INPP5A: variants seen among roughly 807,000 people sequenced by gnomAD.
INPP5A encodes the protein inositol polyphosphate-5-phosphatase A, also known as 43 kDa inositol polyphosphate 5-phophatase.
A neutral mutation model predicts 65.2 loss-of-function variants in INPP5A; 14 were observed. The ratio of observed to expected loss-of-function variants is 0.21; its 90% CI spans 0.14 to 0.34. The LOEUF is 0.34. INPP5A is among the 10% of genes least tolerant of loss of function. The pLI, the probability that INPP5A is intolerant of heterozygous loss-of-function variation, is 1.00. For missense variants in INPP5A, 431 were observed against 545.6 expected (o/e 0.79, Z 2.09); for synonymous variants, 207 against 208.3 (o/e 0.99, Z 0.05).
chr10:132,711,710 G>A (rs1038263542), intron 8 of INPP5A, among the ~76,000 whole-genome samples: 16 of 152,324 alleles, frequency 1.1e-4, no homozygotes, highest in Middle Eastern at 3.4e-3. Context: ...TCCCGGGGCC[G>A]GTTCTCTCCC....
At chr10:132,740,986 T>C (rs1846261291) in intron 9 of INPP5A, among the ~76,000 whole-genome samples, 1 of 152,086 alleles carries the variant, frequency 6.6e-6, no homozygotes, top group Non-Finnish European at 1.5e-5. Flanking sequence ...CCCAGCACTG[T>C]GGGAGGCTGA....
At chr10:132,609,606 T>C (rs558763273) in intron 2 of INPP5A, among the ~76,000 whole-genome samples, 1 of 152,340 alleles carries the variant, frequency 6.6e-6, no homozygotes, top group East Asian at 1.9e-4. Context: ...TTTTGGTGTT[T>C]TTCCTTTTTG....
chr10:132,759,392 C>T lies in INPP5A; in HGVS notation c.904-6381C>T, dbSNP rs189011114. Among the ~76,000 whole-genome samples the T allele has an allele frequency of 5.4e-3, 829 of 152,350 alleles. 10 individuals are homozygous for T. Among genetic ancestry groups the T allele is most frequent in the Middle Eastern group, 0.01 (3 of 294 alleles). On this transcript the variant is annotated intron_variant, in intron 11 of 15. Transcript: ENST00000368594. ...ATGCCAGACAGAAGCTGTGGCCACA[C>T]TCCGTGGCTTCTGCCTCAGGAACTT...
In INPP5A at chr10:132,699,698, C is replaced by T. The variant is rs117105199; in HGVS notation, c.474+1779C>T. On this transcript the variant is annotated intron_variant, in intron 6 of 15. Transcript: ENST00000368594. ...GCCAGGGTGGGAAGCTCGGGGGCAG[C>T]GGGCCCTCAGCAAGGAACAGACACT... 2.5e-3 allele frequency among the ~76,000 whole-genome samples: 374 copies of T among 152,220 alleles called. 2 individuals carry two copies. In the East Asian group the frequency reaches 0.04, roughly 16 times the overall value.
At chr10:132,543,956 G>A (rs114098531) in intron 1 of INPP5A, among the ~76,000 whole-genome samples, 10 of 152,352 alleles carry the variant, frequency 6.6e-5, no homozygotes, top group Admixed American at 5.2e-4. Flanking sequence ...GTCCCTAGGC[G>A]GACATGCGTT....
intron 11 of INPP5A, among the ~76,000 whole-genome samples, chr10:132,760,423 G>A (rs542742161): frequency 2.6e-5 from 4 of 152,374 alleles, no homozygotes; most frequent in East Asian, 1.9e-4. Flanking sequence ...CTGTGGGCCC[G>A]CTGTGAGCAG....
chr10:132,749,758 T>A lies in INPP5A; in HGVS notation c.829-13T>A. On this transcript the variant is annotated splice_polypyrimidine_tract_variant and intron_variant, in intron 10 of 15. Transcript: ENST00000368594. ...GGGAGCTCAGGTGCTCATGGGCCAC[T>A]CTGACTTCACAGGTTATGCTCCAGT... The A allele has an allele frequency of 6.2e-7, 1 of 1,612,816 alleles. No individual in the cohort carries two copies. Among genetic ancestry groups the A allele is most frequent in the Middle Eastern group, 1.7e-4 (1 of 6,060 alleles).
At position 132,551,945 on chromosome 10, in the gene INPP5A, G is replaced by C. The variant is rs1005562776; in HGVS notation, c.75+13774G>C. On this transcript the variant is annotated intron_variant, in intron 1 of 15. Coordinates refer to ENST00000368594, the MANE Select transcript of INPP5A (RefSeq NM_005539.5). This position sits in a 1 kb window ranked among gnomAD's most constrained non-coding sequence, Gnocchi z 5.3. Reference sequence around the variant, plus strand: ...GCAGTACCCCCCACACAGGGGTCCAGGTGTCCTCTGATTCTGCTGTGCTGA... The same window carrying C: ...GCAGTACCCCCCACACAGGGGTCCACGTGTCCTCTGATTCTGCTGTGCTGA... Among the ~76,000 whole-genome samples the C allele has an allele frequency of 1.3e-5, 2 of 152,272 alleles. No individual in the cohort carries two copies. The highest frequency in any genetic ancestry group is 4.1e-4 in the South Asian group (2 of 4,834).
At chr10:132,679,124 G>C (rs574729589) in intron 4 of INPP5A, among the ~76,000 whole-genome samples, 3 of 152,218 alleles carry the variant, frequency 2.0e-5, no homozygotes, top group Admixed American at 2.0e-4. Flanking sequence ...TACAGCTGTG[G>C]AGGAGGCGGG....
intron 2 of INPP5A, among the ~76,000 whole-genome samples, chr10:132,620,802 A>G (rs1165726382): frequency 1.3e-5 from 2 of 152,248 alleles, no homozygotes; most frequent in Non-Finnish European, 2.9e-5. Context: ...AAGAAACAAC[A>G]GAAATTCTAC....
intron 2 of INPP5A, among the ~76,000 whole-genome samples, chr10:132,611,945 A>G (rs1462662763): frequency 1.3e-3 from 111 of 85,488 alleles, no homozygotes; most frequent in African/African-American, 1.5e-3. Flanking sequence ...GCCCTGTCAG[A>G]GGAGGGTGTG....
chr10:132,582,697 A>C (rs1343300049), intron 1 of INPP5A, among the ~76,000 whole-genome samples: 2 of 152,234 alleles, frequency 1.3e-5, no homozygotes, highest in African/African-American at 4.8e-5. Flanking sequence ...CTGGGTTTAC[A>C]GGCACGATAC....
In INPP5A at chr10:132,616,564, G is replaced by A. The variant is rs2072036401; in HGVS notation, c.117+8608G>A. ...ATGGGACGTGGTGGTGACATAGTGT[G>A]TGTTGGTGATAGGGGATGGGGTGGT... is the stretch of plus-strand genomic sequence containing the variant. On this transcript the variant is annotated intron_variant, in intron 2 of 15. Transcript: ENST00000368594. The surrounding 1 kb of genome is among the most constrained non-coding windows in gnomAD (Gnocchi z 4.9). Among the ~76,000 whole-genome samples the A allele has an allele frequency of 6.6e-6, 1 of 152,092 alleles. No homozygotes were observed. The highest frequency in any genetic ancestry group is 6.6e-5 in the Admixed American group (1 of 15,266).
At chr10:132,566,691 T>A (rs987786137) in intron 1 of INPP5A, among the ~76,000 whole-genome samples, 1 of 152,356 alleles carries the variant, frequency 6.6e-6, no homozygotes, top group South Asian at 2.1e-4. Context: ...GAAAAATGAT[T>A]ATTCTTAATA....
At chr10:132,649,129 G>T (rs552015214) in intron 3 of INPP5A, among the ~76,000 whole-genome samples, 46 of 152,272 alleles carry the variant, frequency 3.0e-4, no homozygotes, top group African/African-American at 1.1e-3. Flanking sequence ...AAGTGGCTGG[G>T]CTCTTTTCTG....
rs537323524 is a variant in INPP5A, at chr10:132,704,014, C to G, written c.475-4299C>G. 6.7e-6 allele frequency among the ~76,000 whole-genome samples: 1 copy of G among 149,204 alleles called. No individual in the cohort carries two copies. The highest frequency in any genetic ancestry group is 2.0e-4 in the East Asian group (1 of 5,026). On this transcript the variant is annotated intron_variant, in intron 6 of 15. Transcript: ENST00000368594. This position sits in a 1 kb window ranked among gnomAD's most constrained non-coding sequence, Gnocchi z 4.5. The stretch of plus-strand genomic sequence containing the variant: ...ACACACACACGCACGGCTTCACCCC[C>G]CCACACACGCGTGGCTTCACCCCCA...
chr10:132,655,459 A>G (rs1406850784), intron 4 of INPP5A, among the ~76,000 whole-genome samples: 2 of 152,236 alleles, frequency 1.3e-5, no homozygotes, highest in Admixed American at 1.3e-4. Flanking sequence ...CAGCTCCAAC[A>G]GCACAGAAAT....
rs529041174 is a variant in INPP5A at position 132,557,376 on chromosome 10, C to G, written c.75+19205C>G. On this transcript the variant is annotated intron_variant, in intron 1 of 15. Transcript: ENST00000368594. Reference sequence around the variant, plus strand: ...CTCCTGCAGCACGCGGGCACCTGGCCTGTGCCACACCTGCGCAGTGTCACC... The same window carrying G: ...CTCCTGCAGCACGCGGGCACCTGGCGTGTGCCACACCTGCGCAGTGTCACC... 4.4e-4 allele frequency among the ~76,000 whole-genome samples: 67 copies of G among 152,386 alleles called. 2 individuals are homozygous for G. In the East Asian group the frequency reaches 0.013, roughly 29 times the overall value.
intron 8 of INPP5A, among the ~76,000 whole-genome samples, chr10:132,720,218 GT>G: frequency 6.6e-6 from 1 of 150,802 alleles, no homozygotes; most frequent in East Asian, 2.0e-4. Context: ...TGGCACCTGG[GT>G]TCTGTCTGGG....
Sources: allele counts gnomAD v4.1 joint callset (sites outside exome capture counted in the v4.1 genomes callset), GRCh38; gene constraint gnomAD v4.1.1; non-coding constraint Gnocchi (gnomAD v3.1); transcripts MANE v1.5; gene names NCBI Gene and HGNC (gene_info 2026-07-23, HGNC 2026-07-21).